Variants in AIM2 observed in about 807,000 individuals in gnomAD.
AIM2 encodes absent in melanoma 2.
AIM2 carries 30 observed loss-of-function variants against 27.7 expected under a neutral mutation model. The observed-to-expected ratio is 1.08, with a 90% CI of 0.81 to 1.47. The LOEUF is 1.47. AIM2 is among the 40% of genes most tolerant of loss of function. AIM2 has a pLI of 0.00. For missense variants in AIM2, 358 were observed against 411.3 expected, an observed-to-expected ratio of 0.87 and a Z score of 1.12; for synonymous variants, 141 against 145.3, an observed-to-expected ratio of 0.97 and a Z score of 0.21.
Position 159,073,530 on chromosome 1 carries a change from T to C in AIM2, c.-20-11A>G. 1 of 1,592,804 alleles carries C rather than the reference T, an allele frequency of 6.3e-7. No homozygotes were observed. Among genetic ancestry groups the C allele is most frequent in the East Asian group, 2.3e-5 (1 of 44,420 alleles). On this transcript the variant is annotated splice_polypyrimidine_tract_variant and intron_variant, in intron 1 of 5. Coordinates refer to ENST00000368130, the MANE Select transcript of AIM2 (RefSeq NM_004833.3). Reference sequence around the variant, plus strand: ...AACTTTGGGATCAGCCTATAAGGAATCCAAAACATGTAAGATTACACCACC... The same window carrying C: ...AACTTTGGGATCAGCCTATAAGGAACCCAAAACATGTAAGATTACACCACC...
At chr1:159,101,201 G>A (rs2814759) in intron 1 of AIM2, among the ~76,000 whole-genome samples, 111,716 of 151,426 alleles carry the variant, frequency 0.74, 44,749 homozygotes, top group Non-Finnish European at 0.89. Flanking sequence ...GGGCGGGGGT[G>A]GTTTCTCCAT....
intron 1 of AIM2, among the ~76,000 whole-genome samples, chr1:159,087,541 A>C (rs1355110823): frequency 6.6e-6 from 1 of 151,184 alleles, no homozygotes. Context: ...ATAAAAAGCA[A>C]TGCCAGGCTT....
At chr1:159,092,646 G>A (rs2518564) in intron 1 of AIM2, among the ~76,000 whole-genome samples, 91,813 of 152,076 alleles carry the variant, frequency 0.6, 33,999 homozygotes, top group Non-Finnish European at 0.79. Flanking sequence ...TTGTACCTAC[G>A]TTCAGACAGA....
intron 2 of AIM2, 93 bp downstream of exon 2, chr1:159,073,145 T>C (rs1318815367): frequency 2.0e-6 from 3 of 1,483,336 alleles, no homozygotes; most frequent in Non-Finnish European, 2.8e-6. Context: ...TCCAACAATG[T>C]GCACTGGGGG....
At chr1:159,135,719 A>G (rs554646448) in intron 1 of AIM2, among the ~76,000 whole-genome samples, 1 of 152,342 alleles carries the variant, frequency 6.6e-6, no homozygotes, top group East Asian at 1.9e-4. Flanking sequence ...AAAGTGGTCT[A>G]TAGATGTAGC....
chr1:159,057,225 C>T, the AIM2 span, among the ~76,000 whole-genome samples: 1 of 152,184 alleles, frequency 6.6e-6, no homozygotes, highest in African/African-American at 2.4e-5. Flanking sequence ...GCCCTATTCT[C>T]CCCTGCTGTC....
At chr1:159,073,069 A>G (rs1459818869) in intron 2 of AIM2, among the ~76,000 whole-genome samples, 169 bp downstream of exon 2, 1 of 152,234 alleles carries the variant, frequency 6.6e-6, no homozygotes. Flanking sequence ...TGTAACAAAC[A>G]CTTCCTAGAA....
chr1:159,085,548 G>T (rs1656888735), intron 1 of AIM2, among the ~76,000 whole-genome samples: 1 of 152,188 alleles, frequency 6.6e-6, no homozygotes, highest in Non-Finnish European at 1.5e-5. Flanking sequence ...TGTAAATGGA[G>T]ATGTTTAATT....
At chr1:159,070,852 A>G (rs1656327076) in intron 2 of AIM2, among the ~76,000 whole-genome samples, 1 of 152,206 alleles carries the variant, frequency 6.6e-6, no homozygotes, top group African/African-American at 2.4e-5. Context: ...TCTCTCTTCT[A>G]TGTTCACAGC....
chr1:159,091,746 TG>T, intron 1 of AIM2, among the ~76,000 whole-genome samples: 1 of 152,212 alleles, frequency 6.6e-6, no homozygotes, highest in Admixed American at 6.5e-5. Context: ...TATGAGTGTG[TG>T]TGTGTTCACT....
intron 1 of AIM2, among the ~76,000 whole-genome samples, chr1:159,098,865 A>T (rs562153969): frequency 1.3e-5 from 2 of 152,330 alleles, no homozygotes; most frequent in East Asian, 3.9e-4. Flanking sequence ...CACACTCCTG[A>T]GATAGTTTCT....
intron 1 of AIM2, among the ~76,000 whole-genome samples, chr1:159,146,599 T>C (rs888469931): frequency 6.6e-6 from 1 of 152,166 alleles, no homozygotes; most frequent in Non-Finnish European, 1.5e-5. Flanking sequence ...GTAATCTCTA[T>C]AATGCCCAAT....
At chr1:159,084,042 C>G (rs1479505721) in intron 1 of AIM2, among the ~76,000 whole-genome samples, 1 of 152,160 alleles carries the variant, frequency 6.6e-6, no homozygotes, top group Non-Finnish European at 1.5e-5. Flanking sequence ...TCTCATGTAA[C>G]CCTACCACTC....
intron 1 of AIM2, among the ~76,000 whole-genome samples, chr1:159,139,004 G>A (rs863030): frequency 0.67 from 101,879 of 152,130 alleles, 35,813 homozygotes; most frequent in Admixed American, 0.78. Context: ...TATGTATTCA[G>A]AAGAAAATTG....
intron 1 of AIM2, among the ~76,000 whole-genome samples, chr1:159,075,780 G>A (rs1476172013): frequency 6.6e-6 from 1 of 152,112 alleles, no homozygotes; most frequent in Non-Finnish European, 1.5e-5. Context: ...GACATTATTA[G>A]CAATTAATGA....
At chr1:159,094,319 G>A (rs1442567094) in intron 1 of AIM2, among the ~76,000 whole-genome samples, 1 of 152,182 alleles carries the variant, frequency 6.6e-6, no homozygotes, top group African/African-American at 2.4e-5. Flanking sequence ...TTGGGTGGTA[G>A]GTACATAGCT....
chr1:159,063,855 A>T (rs1655962078), intron 4 of AIM2, among the ~76,000 whole-genome samples, 181 bp from the exon 5 acceptor site: 1 of 152,188 alleles, frequency 6.6e-6, no homozygotes, highest in Admixed American at 6.5e-5. Context: ...CCACCCCAAG[A>T]TGGCAAGACC....
chr1:159,097,441 T>A (rs948821179), intron 1 of AIM2, among the ~76,000 whole-genome samples: 1 of 152,080 alleles, frequency 6.6e-6, no homozygotes, highest in African/African-American at 2.4e-5. Flanking sequence ...ATATTATCTT[T>A]AGGAAACTTT....
upstream of AIM2, chr1:159,081,102 A>G: frequency 4.4e-6 from 1 of 226,112 alleles, no homozygotes; most frequent in South Asian, 8.9e-5. Context: ...TCATGAATGT[A>G]CACATAAATA....
Sources: allele counts gnomAD v4.1 joint callset (sites outside exome capture counted in the v4.1 genomes callset), GRCh38; gene constraint gnomAD v4.1.1; transcripts MANE v1.5; gene names NCBI Gene and HGNC (gene_info 2026-07-23, HGNC 2026-07-21).